ZNF839: variants seen among roughly 807,000 people sequenced by gnomAD.
The protein encoded by ZNF839 is zinc finger protein 839.
Under a neutral mutation model 56.4 loss-of-function variants are expected in ZNF839, and 38 were observed. The observed-to-expected ratio is 0.67, with a 90% CI of 0.52 to 0.88. The LOEUF (loss-of-function observed/expected upper bound fraction) is 0.88. ZNF839 is among the 40% of genes least tolerant of loss of function. The pLI is 0.00. For synonymous variants in ZNF839, 486 were observed against 493.5 expected (o/e 0.98, Z 0.20); for missense variants, 1,091 against 1,177.6 (o/e 0.93, Z 1.08).
chr14:102,333,777 C>G (rs2073896757), intron 3 of ZNF839, among the ~76,000 whole-genome samples: 1 of 152,182 alleles, frequency 6.6e-6, no homozygotes. Context: ...CCTGGCTGTC[C>G]TGTGAACCCC....
intron 1 of ZNF839, among the ~76,000 whole-genome samples, chr14:102,324,511 C>G (rs1272708707): frequency 2.6e-5 from 4 of 152,058 alleles, no homozygotes; most frequent in Non-Finnish European, 5.9e-5. Flanking sequence ...CCACTGCATT[C>G]CAGCCTGGAC....
intron 3 of ZNF839, among the ~76,000 whole-genome samples, chr14:102,333,087 G>T (rs930760127): frequency 1.3e-5 from 2 of 151,994 alleles, no homozygotes; most frequent in South Asian, 2.1e-4. Context: ...AAGTCAGCTG[G>T]CCACTTCTTT....
rs377081892 is a variant in ZNF839, at chr14:102,335,688, G to A, written c.1510-1G>A. ...TTTTTTTGGTCTTTATCTTCACGAAGGTTGAAAAAGATCATCTAGCAAAGC... is the reference window on the plus strand; with the variant it reads ...TTTTTTTGGTCTTTATCTTCACGAAAGTTGAAAAAGATCATCTAGCAAAGC... On this transcript the variant is annotated splice_acceptor_variant, in intron 4 of 7. Transcript: ENST00000442396. LOFTEE classifies it high-confidence loss of function. 6.3e-7 allele frequency: 1 copy of A among 1,591,384 alleles called. No homozygotes were observed. Among genetic ancestry groups the A allele is most frequent in the African/African-American group, 1.3e-5 (1 of 74,488 alleles).
rs1886632160 is a variant in ZNF839 at position 102,342,351 on chromosome 14, G to T, written c.*172G>T. On this transcript the variant is annotated 3_prime_UTR_variant, in exon 8 of 8. Coordinates refer to ENST00000442396, the MANE Select transcript of ZNF839 (RefSeq NM_018335.6). ...CACAGATGAACCTTTTATTTATAAA[G>T]AATAATGTCTTTCTGCCCTGCTGTC... The T allele has an allele frequency of 9.3e-6, 7 of 752,496 alleles. No individual in the cohort carries two copies. The allele number at this position is 752,496 out of a possible 1,614,324, so 46.6% of individuals were successfully genotyped here. A position where few individuals can be genotyped will look rare whatever the true frequency, so the allele number is the denominator to read the frequency against.
chr14:102,342,162 T>C lies in ZNF839; in HGVS notation c.2767T>C (p.Cys923Arg). The C allele has an allele frequency of 6.2e-7, 1 of 1,608,018 alleles. No homozygotes were observed. The highest frequency in any genetic ancestry group is 1.9e-4 in the Middle Eastern group (1 of 5,372). The change falls in exon 8 of 8, where the codon TGC becomes CGC. Residue 923 changes from cysteine (C) to arginine (R), a missense_variant. Cys to Arg is a radical substitution (Grantham distance 180). This residue lies in a region of ZNF839 where 431 missense variants were observed against 468.0 expected (regional missense o/e 0.92). Transcript: ENST00000442396. ...VTVTDAEGRA[C>R]GWAR Reference sequence around the variant, plus strand: ...AGTGACTGATGCAGAGGGGCGTGCCTGCGGATGGGCCCGCTAGAAGGAGTT... The same window carrying C: ...AGTGACTGATGCAGAGGGGCGTGCCCGCGGATGGGCCCGCTAGAAGGAGTT...
Position 102,319,757 on chromosome 14 carries a change from T to G in ZNF839, c.-9T>G, listed in dbSNP as rs908100764. The G allele has an allele frequency of 2.4e-6, 3 of 1,229,142 alleles. No homozygotes were observed. The highest frequency in any genetic ancestry group is 1.6e-5 in the African/African-American group (1 of 64,176). 76.1% of individuals were successfully genotyped at this position (1,229,142 alleles called of 1,614,324 possible). ...AGCGACCCGGGTTCGAGTCCCCGCCTCGGCCGCCATGGCGGATGCGGAGCC... is the reference window on the plus strand; with the variant it reads ...AGCGACCCGGGTTCGAGTCCCCGCCGCGGCCGCCATGGCGGATGCGGAGCC... On this transcript the variant is annotated 5_prime_UTR_variant, in exon 1 of 8. Coordinates refer to ENST00000442396, the MANE Select transcript of ZNF839 (RefSeq NM_018335.6). This position sits in a 1 kb window ranked among gnomAD's most constrained non-coding sequence, Gnocchi z 4.5.
At chr14:102,328,368 AAAAAAAAATATATATAT>A (rs1298183446) in intron 2 of ZNF839, among the ~76,000 whole-genome samples, 12 of 51,466 alleles carry the variant, frequency 2.3e-4, no homozygotes, top group South Asian at 6.5e-4. Flanking sequence ...AAAAAAAAAA[AAAAAAAAATATATATAT>A]ATATATATAT....
upstream of ZNF839, chr14:102,319,641 A>G (rs1390909813): frequency 1.7e-6 from 2 of 1,199,118 alleles, no homozygotes; most frequent in Non-Finnish European, 2.1e-6. This position sits in a 1 kb window ranked among gnomAD's most constrained non-coding sequence, Gnocchi z 4.5. Context: ...TTTCCCGGCC[A>G]GACACGGTCG....
At chr14:102,319,606 C>G (rs1000513947), upstream of ZNF839, 4 of 1,066,372 alleles carry the variant, frequency 3.8e-6, no homozygotes, top group Non-Finnish European at 4.7e-6. The surrounding 1 kb of genome is among the most constrained non-coding windows in gnomAD (Gnocchi z 4.5). Flanking sequence ...CGGCGGTTGT[C>G]GGCTGGGGCG....
chr14:102,334,823 G>C (rs2073945601), intron 4 of ZNF839, 177 bp downstream of exon 4: 1 of 263,170 alleles, frequency 3.8e-6, no homozygotes, highest in African/African-American at 2.3e-5. Flanking sequence ...GCTCACTGCA[G>C]CCTCAAACTG....
intron 7 of ZNF839, among the ~76,000 whole-genome samples, chr14:102,340,008 T>G (rs183207726): frequency 6.6e-6 from 1 of 152,142 alleles, no homozygotes; most frequent in African/African-American, 2.4e-5. Context: ...AGTCGCACTT[T>G]GTCACCCAGG....
Position 102,326,292 on chromosome 14 carries a change from C to T in ZNF839, c.596C>T (p.Pro199Leu). The T allele has an allele frequency of 6.2e-7, 1 of 1,613,432 alleles. No individual in the cohort carries two copies. Among genetic ancestry groups the T allele is most frequent in the Non-Finnish European group, 8.5e-7 (1 of 1,179,680 alleles). ...PAKRVPAPKA[P>L]DEQGSMLTPL... ...AAGAGAGTCCCAGCCCCCAAGGCTC[C>T]AGATGAACAGGGCTCCATGTTGACC... The change falls in exon 2 of 8, where the codon CCA (proline) becomes CTA (leucine). Residue 199 changes from proline to leucine, a missense_variant. Pro to Leu is a moderately conservative substitution (Grantham distance 98, BLOSUM62 -3). Transcript: ENST00000442396. This position sits in a 1 kb window ranked among gnomAD's most constrained non-coding sequence, Gnocchi z 4.3.
intron 7 of ZNF839, among the ~76,000 whole-genome samples, chr14:102,340,856 G>GTT (rs933541848): frequency 2.0e-5 from 3 of 152,018 alleles, no homozygotes; most frequent in African/African-American, 7.2e-5. Flanking sequence ...TGGCTCACAA[G>GTT]GTGAGGAGTT....
At chr14:102,329,247 C>CTCA (rs2073644013) in intron 2 of ZNF839, among the ~76,000 whole-genome samples, 1 of 152,190 alleles carries the variant, frequency 6.6e-6, no homozygotes, top group African/African-American at 2.4e-5. Context: ...GGATTACAGG[C>CTCA]GTGAGCCACC....
chr14:102,339,376 C>T, intron 7 of ZNF839, 153 bp downstream of exon 7: 1 of 1,119,608 alleles, frequency 8.9e-7, no homozygotes, highest in South Asian at 1.6e-5. Flanking sequence ...TCCAGCCTCC[C>T]AGTGTTCTGT....
rs1211358358 is a variant in ZNF839, at chr14:102,331,724, T to C, written c.1294T>C (p.Ser432Pro). 1.9e-6 allele frequency: 3 copies of C among 1,608,408 alleles called. No individual in the cohort carries two copies. Among genetic ancestry groups the C allele is most frequent in the Non-Finnish European group, 2.5e-6 (3 of 1,177,444 alleles). ...RYQGPRRRAC[S>P]ETLAESRTAV... ...CCAAGGACCTAGAAGACGCGCATGC[T>C]CAGAGACCCTTGCAGAGTCCCGCAC... The change falls in exon 3 of 8, where the codon TCA becomes CCA. Residue 432 changes from serine to proline, a missense_variant. Physicochemically the swap from Ser to Pro is moderately conservative, Grantham distance 74. This residue lies in a region of ZNF839 where 614 missense variants were observed against 629.2 expected (regional missense o/e 0.98). Coordinates refer to ENST00000442396, the MANE Select transcript of ZNF839 (RefSeq NM_018335.6).
chr14:102,336,482 A>G (rs1885720786), intron 5 of ZNF839, among the ~76,000 whole-genome samples: 1 of 151,674 alleles, frequency 6.6e-6, no homozygotes, highest in African/African-American at 2.4e-5. Context: ...TTTAGTAGAG[A>G]CAGGGTTTCA....
intron 7 of ZNF839, chr14:102,341,102 T>C (rs1016399373): frequency 1.4e-5 from 5 of 354,194 alleles, no homozygotes; most frequent in South Asian, 1.4e-4. Flanking sequence ...ACACTGTCGA[T>C]TGGCTCTTAG....
chr14:102,331,996 A>AT (rs1393154949), intron 3 of ZNF839, 150 bp downstream of exon 3: 1 of 686,352 alleles, frequency 1.5e-6, no homozygotes, highest in Admixed American at 2.9e-5. Flanking sequence ...ATCTGAACTA[A>AT]TTCGTACTCT....
Sources: gnomAD v4.1 joint callset for allele counts (sites outside exome capture counted in the v4.1 genomes callset) on GRCh38, gnomAD v4.1.1 for gene constraint, gnomAD v4.1.1 regional missense constraint, Gnocchi (gnomAD v3.1) non-coding constraint, MANE v1.5 for transcripts, NCBI Gene and HGNC (gene_info 2026-07-23, HGNC 2026-07-21) for gene names.